FBXO25: variants seen among roughly 807,000 people sequenced by gnomAD.
The protein encoded by FBXO25 is F-box only protein 25.
A neutral mutation model predicts 51.9 loss-of-function variants in FBXO25; 45 were observed. The observed-to-expected ratio is 0.87, with a 90% CI of 0.68 to 1.11. The LOEUF (loss-of-function observed/expected upper bound fraction) is 1.11, where lower values mean the gene tolerates loss of function less well. Among genes scored for constraint, FBXO25 ranks in the 50% most tolerant of loss-of-function variants. The pLI, the probability that FBXO25 is intolerant of heterozygous loss-of-function variation, is 0.00. For missense variants in FBXO25, 507 were observed against 428.5 expected, an observed-to-expected ratio of 1.18 and a Z score of -1.62; for synonymous variants, 199 against 151.0, an observed-to-expected ratio of 1.32 and a Z score of -2.33.
At chr8:408,155 C>T (rs1193227923) in intron 1 of FBXO25, among the ~76,000 whole-genome samples, 3 of 152,098 alleles carry the variant, frequency 2.0e-5, no homozygotes, top group African/African-American at 7.2e-5. Flanking sequence ...TTTAAAATGT[C>T]CTTTCTGGAT....
chr8:427,849 G>A (rs1281656325), intron 2 of FBXO25, among the ~76,000 whole-genome samples: 1 of 151,308 alleles, frequency 6.6e-6, no homozygotes, highest in African/African-American at 2.4e-5. Flanking sequence ...GCTTACCGTA[G>A]CCTGTCTTAT....
chr8:439,816 C>A (rs1482431085), intron 5 of FBXO25, among the ~76,000 whole-genome samples: 1 of 152,162 alleles, frequency 6.6e-6, no homozygotes, highest in African/African-American at 2.4e-5. Context: ...GCCTGCAATC[C>A]CAGCACTTTG....
chr8:474,576 G>A lies in FBXO25; in HGVS notation c.*5772G>A, dbSNP rs946463575. On this transcript the variant is annotated 3_prime_UTR_variant, in exon 10 of 10. Transcript: ENST00000350302. ...TGTTTTTAATAATTGCCATCCTAAT[G>A]AGTGTGAAGTGGTATCCTGCTGAGA... 4 of 367,966 alleles carry A rather than the reference G, an allele frequency of 1.1e-5. No homozygotes were observed. In the East Asian group the frequency reaches 2.2e-4, roughly 20 times the overall value. 22.8% of individuals were successfully genotyped at this position (367,966 alleles called of 1,614,324 possible). A position where few individuals can be genotyped will look rare whatever the true frequency, so the allele number is the denominator to read the frequency against.
At chr8:409,145 C>CCCCA (rs1796340108) in intron 1 of FBXO25, among the ~76,000 whole-genome samples, 2 of 152,090 alleles carry the variant, frequency 1.3e-5, no homozygotes, top group South Asian at 4.1e-4. Context: ...GAGATCCAGA[C>CCCCA]CCCAGACGTT....
intron 5 of FBXO25, among the ~76,000 whole-genome samples, chr8:449,021 C>T (rs1330505269): frequency 6.6e-6 from 1 of 152,108 alleles, no homozygotes; most frequent in African/African-American, 2.4e-5. Flanking sequence ...AAATTAAGAC[C>T]AAACATGCTG....
chr8:437,539 G>A (rs1336431784), intron 5 of FBXO25, among the ~76,000 whole-genome samples: 1 of 152,196 alleles, frequency 6.6e-6, no homozygotes, highest in Non-Finnish European at 1.5e-5. Flanking sequence ...CACAAGTCCA[G>A]CAAAGTTACC....
intron 8 of FBXO25, among the ~76,000 whole-genome samples, chr8:460,524 C>G (rs1290559757): frequency 2.0e-5 from 3 of 152,040 alleles, no homozygotes; most frequent in Non-Finnish European, 4.4e-5. Context: ...AAAGTAAAAA[C>G]TAGATACCTG....
chr8:424,666 G>A (rs555522987), intron 2 of FBXO25, among the ~76,000 whole-genome samples: 39 of 152,304 alleles, frequency 2.6e-4, no homozygotes, highest in South Asian at 2.1e-4. Context: ...AAGATTGAAT[G>A]GTTGTAGGTG....
At chr8:452,472 C>T (rs1264722829) in intron 7 of FBXO25, among the ~76,000 whole-genome samples, 1 of 152,252 alleles carries the variant, frequency 6.6e-6, no homozygotes, top group Non-Finnish European at 1.5e-5. Flanking sequence ...TTATGCATGG[C>T]ATGGGGCTTG....
At position 468,734 on chromosome 8, in the gene FBXO25, C is replaced by A. The variant is rs765494767; in HGVS notation, c.1007C>A (p.Thr336Lys). Residue 336 changes from threonine (T) to lysine (K), a missense_variant, in exon 10 of 10, where the codon ACG becomes AAG. Physicochemically the swap from Thr to Lys is moderately conservative, Grantham distance 78 (BLOSUM62 -1). Coordinates refer to ENST00000350302, the MANE Select transcript of FBXO25 (RefSeq NM_183420.2). ...LFWKDSGHPC[T>K]AADPDSCFTP... ...CCACAGGACTCAGGACACCCCTGCA[C>A]GGCGGCCGACCCTGACAGCTGCTTC... 6.2e-7 allele frequency: 1 copy of A among 1,613,960 alleles called. No individual in the cohort carries two copies. The highest frequency in any genetic ancestry group is 1.6e-4 in the Middle Eastern group (1 of 6,062).
chr8:445,813 G>A (rs1426271261), intron 5 of FBXO25, among the ~76,000 whole-genome samples: 2 of 152,236 alleles, frequency 1.3e-5, no homozygotes, highest in African/African-American at 2.4e-5. Context: ...AGAGGTTGCA[G>A]TGAGCCGAGA....
intron 2 of FBXO25, among the ~76,000 whole-genome samples, chr8:420,829 G>C (rs1797107068): frequency 6.6e-6 from 1 of 152,236 alleles, no homozygotes; most frequent in Non-Finnish European, 1.5e-5. Flanking sequence ...TTTGGGGAGT[G>C]ATGGGACTGT....
chr8:421,597 C>G (rs1413701296), intron 2 of FBXO25, among the ~76,000 whole-genome samples: 1 of 152,106 alleles, frequency 6.6e-6, no homozygotes, highest in Non-Finnish European at 1.5e-5. Context: ...TGAACTAGGG[C>G]TGTTGGTTTT....
intron 9 of FBXO25, among the ~76,000 whole-genome samples, chr8:467,202 A>T (rs1253242266): frequency 6.6e-6 from 1 of 152,160 alleles, no homozygotes; most frequent in Non-Finnish European, 1.5e-5. Flanking sequence ...CTGTGTTGGA[A>T]AGTGGCATTC....
chr8:424,801 C>G (rs1249565411), intron 2 of FBXO25, among the ~76,000 whole-genome samples: 5 of 152,082 alleles, frequency 3.3e-5, no homozygotes, highest in Non-Finnish European at 7.4e-5. Flanking sequence ...AGTGTGATGC[C>G]TCTGGCTTTG....
rs955676405 is a variant in FBXO25, at chr8:435,467, A to G, written c.289-148A>G. ...TTATTAGCATTGCTATAATTTTACT[A>G]TACTCTCATCTAAATCTAAAATCAG... On this transcript the variant is annotated intron_variant, in intron 4 of 9. Coordinates refer to ENST00000350302, the MANE Select transcript of FBXO25 (RefSeq NM_183420.2). 3.1e-5 allele frequency: 30 copies of G among 980,912 alleles called. No homozygotes were observed. In the African/African-American group the frequency reaches 3.6e-4, roughly 12 times the overall value. The allele number at this position is 980,912 out of a possible 1,614,324, so 60.8% of individuals were successfully genotyped here. A position where few individuals can be genotyped will look rare whatever the true frequency, so the allele number is the denominator to read the frequency against.
chr8:456,470 A>G (rs1799437818), intron 7 of FBXO25, among the ~76,000 whole-genome samples: 1 of 152,214 alleles, frequency 6.6e-6, no homozygotes, highest in African/African-American at 2.4e-5. Flanking sequence ...GTAATGAGCA[A>G]AGACGTTTAC....
At chr8:432,161 T>C (rs186946377) in intron 3 of FBXO25, among the ~76,000 whole-genome samples, 11 of 152,288 alleles carry the variant, frequency 7.2e-5, no homozygotes, top group Non-Finnish European at 1.3e-4. Context: ...TAAGGGTTCT[T>C]TAAATACAAG....
intron 2 of FBXO25, among the ~76,000 whole-genome samples, chr8:430,888 C>T (rs1335713097): frequency 6.6e-6 from 1 of 152,084 alleles, no homozygotes. Context: ...AAAACATGTT[C>T]AGTGCAGTAA....
Sources: gnomAD v4.1 joint callset for allele counts (sites outside exome capture counted in the v4.1 genomes callset) on GRCh38, gnomAD v4.1.1 for gene constraint, MANE v1.5 for transcripts, NCBI Gene and HGNC (gene_info 2026-07-23, HGNC 2026-07-21) for gene names.